Variants in WDR27 observed in about 807,000 individuals in gnomAD.
The protein encoded by WDR27 is WD repeat-containing protein 27.
A neutral mutation model predicts 114.4 loss-of-function variants in WDR27; 100 were observed. That is an observed-to-expected ratio of 0.87 (90% CI 0.74 to 1.03). The LOEUF (loss-of-function observed/expected upper bound fraction) is 1.03. WDR27 is among the 50% of genes least tolerant of loss of function. The pLI is 0.00. For missense variants in WDR27, 1,129 were observed against 1,092.9 expected (o/e 1.03, Z -0.47); for synonymous variants, 449 against 423.1 (o/e 1.06, Z -0.75).
intron 9 of WDR27, among the ~76,000 whole-genome samples, chr6:169,661,844 T>G (rs1017112597): frequency 6.6e-6 from 1 of 152,268 alleles, no homozygotes; most frequent in Non-Finnish European, 1.5e-5. Context: ...GTAAACATAA[T>G]TGTAATATAT....
chr6:169,569,002 A>G (rs1050286278), intron 25 of WDR27, among the ~76,000 whole-genome samples: 2 of 152,166 alleles, frequency 1.3e-5, no homozygotes, highest in Admixed American at 1.3e-4. Flanking sequence ...TCCCAAGAGG[A>G]AGAGACGCCG....
chr6:169,546,844 G>A (rs1431469095), intron 25 of WDR27, among the ~76,000 whole-genome samples: 1 of 151,622 alleles, frequency 6.6e-6, no homozygotes, highest in Non-Finnish European at 1.5e-5. Flanking sequence ...CAAACTACTG[G>A]CGAGATCTCA....
intron 1 of WDR27, among the ~76,000 whole-genome samples, chr6:169,689,597 A>AAGCATAAACT (rs1405456642): frequency 2.0e-5 from 3 of 152,234 alleles, no homozygotes; most frequent in Non-Finnish European, 4.4e-5. Context: ...ATGTTTCGTA[A>AAGCATAAACT]AGCATAAACT....
At chr6:169,512,726 T>C (rs2115536994) in intron 25 of WDR27, among the ~76,000 whole-genome samples, 1 of 152,326 alleles carries the variant, frequency 6.6e-6, no homozygotes, top group Admixed American at 6.5e-5. Context: ...CCTCTTTAGA[T>C]AGTAGAGGTA....
chr6:169,494,829 T>C, intron 25 of WDR27, among the ~76,000 whole-genome samples: 1 of 152,182 alleles, frequency 6.6e-6, no homozygotes, highest in East Asian at 1.9e-4. Context: ...ATATTTTGTC[T>C]CAAGCTCCAG....
At chr6:169,540,009 T>C (rs191757196) in intron 25 of WDR27, among the ~76,000 whole-genome samples, 314 of 152,330 alleles carry the variant, frequency 2.1e-3, no homozygotes, top group South Asian at 3.7e-3. Context: ...TGAATGGCCA[T>C]AGCCGTTAAC....
At chr6:169,607,233 CTGGG>C (rs921036689) in intron 22 of WDR27, among the ~76,000 whole-genome samples, 2 of 152,146 alleles carry the variant, frequency 1.3e-5, no homozygotes, top group African/African-American at 4.8e-5. Flanking sequence ...AACCCCACTG[CTGGG>C]TATCTACCAA....
rs147623131 is a variant in WDR27, at chr6:169,593,574, A to T, written c.2424+8645T>A. Reference sequence around the variant, plus strand: ...TAAAAAGCTAGTGTTTTGGCCAGGTATGGTGGCTCATGCCTGTAATCCCTG... The same window carrying T: ...TAAAAAGCTAGTGTTTTGGCCAGGTTTGGTGGCTCATGCCTGTAATCCCTG... On this transcript the variant is annotated intron_variant, in intron 23 of 25. Coordinates refer to ENST00000448612, the MANE Select transcript of WDR27 (RefSeq NM_182552.5). Among the ~76,000 whole-genome samples the T allele has an allele frequency of 4.5e-3, 690 of 152,268 alleles. 9 individuals are homozygous for T. Among genetic ancestry groups the T allele is most frequent in the African/African-American group, 0.016 (655 of 41,560 alleles).
At position 169,638,098 on chromosome 6, in the gene WDR27, T is replaced by C. The variant is rs1033817261; in HGVS notation, c.1869+441A>G. On this transcript the variant is annotated intron_variant, in intron 18 of 25. Coordinates refer to ENST00000448612, the MANE Select transcript of WDR27 (RefSeq NM_182552.5). ...TTGGGAGGCCGAGGCGGGTGGATCATGAGGTCAGGAGATCGAGACCATCCT... is the reference window on the plus strand; with the variant it reads ...TTGGGAGGCCGAGGCGGGTGGATCACGAGGTCAGGAGATCGAGACCATCCT... Among the ~76,000 whole-genome samples the C allele has an allele frequency of 1.3e-4, 10 of 79,240 alleles. 1 individual carries two copies. Among genetic ancestry groups the C allele is most frequent in the Non-Finnish European group, 2.4e-4 (10 of 41,004 alleles). The allele number at this position is 79,240 out of a possible 152,430, so 52.0% of individuals were successfully genotyped here. A position where few individuals can be genotyped will look rare whatever the true frequency, so the allele number is the denominator to read the frequency against.
chr6:169,502,244 C>T (rs1791376939), intron 25 of WDR27, among the ~76,000 whole-genome samples: 1 of 152,182 alleles, frequency 6.6e-6, no homozygotes, highest in Non-Finnish European at 1.5e-5. Flanking sequence ...AAGAGCGCGG[C>T]CGCGGGAGAC....
rs367899641 is a variant in WDR27, at chr6:169,642,539, A to T, written c.1747+1158T>A. Among the ~76,000 whole-genome samples, 20 of 152,236 alleles carry T rather than the reference A, an allele frequency of 1.3e-4. No individual in the cohort carries two copies. The South Asian group carries it at 2.5e-3, about 19-fold the overall frequency. On this transcript the variant is annotated intron_variant, in intron 17 of 25. Transcript: ENST00000448612. ...AGGATAGATATGAGGTGGGACCAGGAGCAAGGCGCTCGAAGGGCAAGGGTG... is the reference window on the plus strand; with the variant it reads ...AGGATAGATATGAGGTGGGACCAGGTGCAAGGCGCTCGAAGGGCAAGGGTG...
At chr6:169,603,494 C>T (rs1808468760) in intron 22 of WDR27, among the ~76,000 whole-genome samples, 2 of 152,110 alleles carry the variant, frequency 1.3e-5, no homozygotes, top group South Asian at 2.1e-4. Flanking sequence ...AGTACTGTGG[C>T]ACATATACTG....
intron 13 of WDR27, among the ~76,000 whole-genome samples, chr6:169,655,961 A>T (rs1824068820): frequency 1.3e-5 from 2 of 152,156 alleles, no homozygotes; most frequent in Non-Finnish European, 2.9e-5. Flanking sequence ...TGACCTCGTG[A>T]TCCGCCTGCC....
chr6:169,608,268 C>CTG (rs1227278234), intron 22 of WDR27, among the ~76,000 whole-genome samples: 1 of 152,124 alleles, frequency 6.6e-6, no homozygotes, highest in East Asian at 1.9e-4. Flanking sequence ...CACGAAGACA[C>CTG]TGTGTGTGTA....
At chr6:169,669,943 A>C (rs1193682562) in intron 4 of WDR27, 1 of 152,088 alleles carries the variant, frequency 6.6e-6, no homozygotes, top group African/African-American at 2.4e-5. Context: ...AAAGCTATTC[A>C]GGCCAACAGC....
At chr6:169,584,451 G>T (rs935230426) in intron 23 of WDR27, among the ~76,000 whole-genome samples, 9 of 152,288 alleles carry the variant, frequency 5.9e-5, no homozygotes, top group Non-Finnish European at 1.3e-4. Context: ...AGGACTGCTG[G>T]GTCATACTAT....
intron 25 of WDR27, among the ~76,000 whole-genome samples, chr6:169,564,224 G>A (rs561827155): frequency 6.6e-6 from 1 of 152,302 alleles, no homozygotes; most frequent in South Asian, 2.1e-4. Flanking sequence ...TCCAGCATGG[G>A]AGAAAGATGG....
At chr6:169,603,804 A>C (rs1808547297) in intron 22 of WDR27, among the ~76,000 whole-genome samples, 1 of 152,252 alleles carries the variant, frequency 6.6e-6, no homozygotes, top group African/African-American at 2.4e-5. Flanking sequence ...AATGGGCTTA[A>C]ATGAGTTCAT....
chr6:169,441,663 T>C, the WDR27 span, among the ~76,000 whole-genome samples: 1 of 152,222 alleles, frequency 6.6e-6, no homozygotes, highest in African/African-American at 2.4e-5. Flanking sequence ...TACCCACTCT[T>C]GTCACTCACC....
Sources: allele counts gnomAD v4.1 joint callset (sites outside exome capture counted in the v4.1 genomes callset), GRCh38; gene constraint gnomAD v4.1.1; transcripts MANE v1.5; gene names NCBI Gene and HGNC (gene_info 2026-07-23, HGNC 2026-07-21).